The following SGCD variants were observed in gnomAD, a reference collection of about 807,000 sequenced individuals.
The protein encoded by SGCD is delta-sarcoglycan.
Under a neutral mutation model 36.6 loss-of-function variants are expected in SGCD, and 18 were observed. The ratio of observed to expected loss-of-function variants is 0.49; its 90% confidence interval spans 0.34 to 0.73. The LOEUF (loss-of-function observed/expected upper bound fraction) is 0.73, where lower values mean the gene tolerates loss of function less well. Among genes scored for constraint, SGCD ranks in the 30% least tolerant of loss-of-function variants. The pLI is 0.01. For missense variants in SGCD, 387 were observed against 346.7 expected (o/e 1.12, Z -0.92); for synonymous variants, 133 against 130.6 (o/e 1.02, Z -0.12).
intron 7 of SGCD, among the ~76,000 whole-genome samples, chr5:156,691,052 C>A (rs530518077): frequency 6.6e-6 from 1 of 151,654 alleles, no homozygotes; most frequent in South Asian, 2.1e-4. Context: ...ACTAAAAATA[C>A]AAAAATTAGC....
chr5:156,020,472 T>A lies in SGCD; in HGVS notation c.-281-97406T>A, dbSNP rs151061765. On this transcript the variant is annotated intron_variant, in intron 1 of 9. Transcript: ENST00000517913. ...ACATCATATGGGCGCACACTATAAT[T>A]TAATTCATCAACTAAATATTTTAGT... is the stretch of plus-strand genomic sequence containing the variant. Among the ~76,000 whole-genome samples the A allele has an allele frequency of 3.3e-5, 5 of 151,954 alleles. 1 individual carries two copies. The East Asian group carries it at 9.7e-4, about 29-fold the overall frequency.
At chr5:155,999,478 T>C (rs1217589707) in intron 1 of SGCD, among the ~76,000 whole-genome samples, 1 of 152,226 alleles carries the variant, frequency 6.6e-6, no homozygotes, top group African/African-American at 2.4e-5. Flanking sequence ...TGTTTTTCTT[T>C]CACTTATTCA....
chr5:156,757,640 C>T lies in SGCD; in HGVS notation c.635C>T (p.Ala212Val). Residue 212 changes from alanine (A) to valine (V), a missense_variant, in exon 8 of 9, where the codon GCA (alanine) becomes GTA (valine). Ala to Val is a moderately conservative substitution (Grantham distance 64). Transcript: ENST00000337851. ...MEAPKGVEIN[A>V]EAGNMEATCR... The stretch of plus-strand genomic sequence containing the variant: ...GCCCCAAAAGGAGTGGAAATCAATG[C>T]AGAAGCTGGCAATATGGAAGCCACC... 1 of 1,610,842 alleles carries T rather than the reference C, an allele frequency of 6.2e-7. No individual in the cohort carries two copies. Among genetic ancestry groups the T allele is most frequent in the Non-Finnish European group, 8.5e-7 (1 of 1,178,564 alleles).
chr5:155,779,488 T>C, the SGCD span, among the ~76,000 whole-genome samples: 2 of 152,186 alleles, frequency 1.3e-5, no homozygotes, highest in Admixed American at 6.5e-5. Flanking sequence ...ATCTATTTTG[T>C]TGTTGTAAAC....
intron 3 of SGCD, among the ~76,000 whole-genome samples, chr5:156,268,415 T>C (rs534624994): frequency 6.6e-6 from 1 of 152,238 alleles, no homozygotes; most frequent in Non-Finnish European, 1.5e-5. Flanking sequence ...TTGAACTAAT[T>C]TACTCTCCCA....
At position 156,664,378 on chromosome 5, in the gene SGCD, A is replaced by G. The variant is rs956845500; in HGVS notation, c.575+16842A>G. 4.1e-4 allele frequency among the ~76,000 whole-genome samples: 61 copies of G among 149,638 alleles called. 3 individuals carry two copies. The highest frequency in any genetic ancestry group is 1.4e-3 in the African/African-American group (57 of 39,648). On this transcript the variant is annotated intron_variant, in intron 7 of 8. Transcript: ENST00000337851. ...GACCTTACCGGCTTTTTCATCGGCAATTGACTTTTGAGCAACATCTTGGAG... is the reference window on the plus strand; with the variant it reads ...GACCTTACCGGCTTTTTCATCGGCAGTTGACTTTTGAGCAACATCTTGGAG...
chr5:155,843,553 C>G, the SGCD span, among the ~76,000 whole-genome samples: 1 of 152,206 alleles, frequency 6.6e-6, no homozygotes, highest in African/African-American at 2.4e-5. Context: ...TTATGTATCT[C>G]TTTCTGCCAT....
At chr5:155,987,569 T>G (rs995750924) in intron 1 of SGCD, among the ~76,000 whole-genome samples, 1 of 152,204 alleles carries the variant, frequency 6.6e-6, no homozygotes, top group Non-Finnish European at 1.5e-5. Flanking sequence ...CTCTTTGTTT[T>G]AGGATGAAGC....
chr5:156,615,545 A>C (rs1423033115), intron 6 of SGCD, among the ~76,000 whole-genome samples: 1 of 152,236 alleles, frequency 6.6e-6, no homozygotes, highest in East Asian at 1.9e-4. Flanking sequence ...ACTCTACTGC[A>C]ACGTGGCAAA....
chr5:156,222,276 A>G (rs1020511983), intron 3 of SGCD, among the ~76,000 whole-genome samples: 1 of 152,134 alleles, frequency 6.6e-6, no homozygotes, highest in African/African-American at 2.4e-5. Context: ...TTTATTGCTC[A>G]CATTCCACAT....
intron 1 of SGCD, chr5:155,870,545 G>A (rs1266377054): frequency 2.0e-5 from 3 of 150,788 alleles, no homozygotes; most frequent in Non-Finnish European, 3.0e-5. Context: ...TTTTTTCTTT[G>A]TTTGCCAGAA....
the SGCD span, among the ~76,000 whole-genome samples, chr5:155,800,126 C>T: frequency 2.0e-5 from 3 of 151,926 alleles, no homozygotes; most frequent in Admixed American, 6.6e-5. Flanking sequence ...GCCCTTATTC[C>T]CATTTGTTTT....
intron 7 of SGCD, among the ~76,000 whole-genome samples, chr5:156,694,274 G>A (rs752979325): frequency 6.6e-6 from 1 of 152,204 alleles, no homozygotes; most frequent in Admixed American, 6.5e-5. Context: ...TCTGGGAGTT[G>A]AGGTGAGCTT....
At chr5:156,589,124 T>A (rs749524999) in intron 4 of SGCD, 107 bp from the exon 5 acceptor site, 4 of 729,004 alleles carry the variant, frequency 5.5e-6, no homozygotes, top group African/African-American at 1.8e-5. Flanking sequence ...GACACATTGA[T>A]TGGAACTTGG....
intron 7 of SGCD, among the ~76,000 whole-genome samples, chr5:156,660,580 CT>C (rs1205013570): frequency 6.7e-6 from 1 of 149,804 alleles, no homozygotes; most frequent in Non-Finnish European, 1.5e-5. Context: ...ATTAGTTTTC[CT>C]TCATGTGGGC....
intron 3 of SGCD, among the ~76,000 whole-genome samples, chr5:156,219,183 G>A (rs17053348): frequency 6.6e-6 from 1 of 152,052 alleles, no homozygotes; most frequent in South Asian, 2.1e-4. Flanking sequence ...GAAACTCATT[G>A]GACCCCTTAT....
the SGCD span, among the ~76,000 whole-genome samples, chr5:155,798,120 T>C: frequency 1.3e-5 from 2 of 152,204 alleles, no homozygotes; most frequent in African/African-American, 4.8e-5. Flanking sequence ...AAGTCATTTT[T>C]TCCTGCCTAT....
At chr5:156,461,221 A>G (rs1001898787) in intron 3 of SGCD, among the ~76,000 whole-genome samples, 1 of 152,120 alleles carries the variant, frequency 6.6e-6, no homozygotes, top group Non-Finnish European at 1.5e-5. Flanking sequence ...TATGTGGTAT[A>G]AGATGTGTAT....
chr5:156,233,840 G>T (rs1765084750), intron 3 of SGCD, among the ~76,000 whole-genome samples: 1 of 152,138 alleles, frequency 6.6e-6, no homozygotes, highest in Admixed American at 6.6e-5. Context: ...AACTATGATG[G>T]CCCCACTGCA....
Sources: allele counts gnomAD v4.1 joint callset (sites outside exome capture counted in the v4.1 genomes callset), GRCh38; gene constraint gnomAD v4.1.1; transcripts MANE v1.5; gene names NCBI Gene and HGNC (gene_info 2026-07-23, HGNC 2026-07-21).